DPP10: variants seen among roughly 807,000 people sequenced by gnomAD.
The protein encoded by DPP10 is dipeptidyl peptidase like 10, also known as inactive dipeptidyl peptidase 10.
In DPP10, 33 loss-of-function variants were observed where a neutral mutation model predicts 120.9. The ratio of observed to expected loss-of-function variants is 0.27; its 90% CI spans 0.21 to 0.37. DPP10 has a LOEUF of 0.37. DPP10 is among the 10% of genes least tolerant of loss of function. The probability of loss-of-function intolerance (pLI) is 1.00; values close to 1 mark genes in which losing one functional copy is unlikely to be tolerated. For synonymous variants in DPP10, 337 were observed against 326.1 expected (o/e 1.03, Z -0.36); for missense variants, 816 against 942.8 (o/e 0.87, Z 1.76).
intron 1 of DPP10, among the ~76,000 whole-genome samples, chr2:114,621,720 C>CTAAA (rs1450763822): frequency 2.0e-5 from 3 of 151,968 alleles, no homozygotes; most frequent in Admixed American, 6.6e-5. Flanking sequence ...CTCCTCCTCT[C>CTAAA]TAAATAAATA....
chr2:114,763,962 A>G (rs72959542), intron 1 of DPP10, among the ~76,000 whole-genome samples: 1 of 152,136 alleles, frequency 6.6e-6, no homozygotes, highest in Non-Finnish European at 1.5e-5. Flanking sequence ...TCTTTCCTTT[A>G]TATTATCTCC....
At position 115,835,234 on chromosome 2, in the gene DPP10, G is replaced by T. The variant is rs1179946774; in HGVS notation, c.1951-923G>T. Among the ~76,000 whole-genome samples the T allele has an allele frequency of 1.3e-5, 2 of 152,052 alleles. 1 individual carries two copies. Among genetic ancestry groups the T allele is most frequent in the Non-Finnish European group, 2.9e-5 (2 of 67,996 alleles). On this transcript the variant is annotated intron_variant, in intron 21 of 25. Transcript: ENST00000410059. The stretch of plus-strand genomic sequence containing the variant: ...CAAGAAAAATGGGCAGATCTCTAGA[G>T]TAGATCTCAAAGAATTGTCTTATAC...
intron 1 of DPP10, among the ~76,000 whole-genome samples, chr2:115,034,216 G>A (rs1021048837): frequency 6.6e-6 from 1 of 151,946 alleles, no homozygotes. Context: ...TTTCTCTAAA[G>A]TCTCTTCTTC....
intron 1 of DPP10, among the ~76,000 whole-genome samples, chr2:115,152,914 G>C (rs191131797): frequency 9.5e-4 from 144 of 152,282 alleles, no homozygotes; most frequent in Non-Finnish European, 1.7e-3. Context: ...CAAAGACTTT[G>C]ATTACTCATA....
rs542317062 is a variant in DPP10, at chr2:115,254,461, C to T, written c.61-54778C>T. On this transcript the variant is annotated intron_variant, in intron 1 of 25. Coordinates refer to ENST00000410059, the MANE Select transcript of DPP10 (RefSeq NM_020868.6). The stretch of plus-strand genomic sequence containing the variant: ...GGGATATAGCCAAACCATATTATTC[C>T]ACCCCTGGACCCTCCCAAATCTCAT... Among the ~76,000 whole-genome samples, 222 of 152,222 alleles carry T rather than the reference C, an allele frequency of 1.5e-3. 1 individual carries two copies. Among genetic ancestry groups the T allele is most frequent in the African/African-American group, 5.2e-3 (214 of 41,542 alleles).
At chr2:115,715,134 G>A (rs2092448988) in intron 7 of DPP10, among the ~76,000 whole-genome samples, 1 of 151,616 alleles carries the variant, frequency 6.6e-6, no homozygotes, top group Admixed American at 6.6e-5. Context: ...GAGGTCAGGA[G>A]TTCAAGACCA....
chr2:114,770,830 C>A (rs780661067), intron 1 of DPP10, among the ~76,000 whole-genome samples: 1 of 152,156 alleles, frequency 6.6e-6, no homozygotes, highest in Non-Finnish European at 1.5e-5. Context: ...AAGGAATAAT[C>A]AGGATTCCAG....
intron 1 of DPP10, among the ~76,000 whole-genome samples, chr2:115,179,364 G>A (rs1051144618): frequency 1.3e-5 from 2 of 151,988 alleles, no homozygotes; most frequent in African/African-American, 4.8e-5. Context: ...TTAAAATGTT[G>A]TTTCTGTATT....
chr2:115,687,485 G>A (rs5001734), intron 5 of DPP10, among the ~76,000 whole-genome samples: 14 of 147,018 alleles, frequency 9.5e-5, no homozygotes, highest in Admixed American at 3.4e-4. Flanking sequence ...ATGGATGGAT[G>A]GATAGATAGA....
intron 5 of DPP10, among the ~76,000 whole-genome samples, chr2:115,607,199 G>A (rs767553344): frequency 6.6e-6 from 1 of 152,140 alleles, no homozygotes; most frequent in African/African-American, 2.4e-5. Context: ...GTCAAAGAAG[G>A]TGTGCTTATC....
At chr2:114,787,931 G>A (rs1370788765) in intron 1 of DPP10, among the ~76,000 whole-genome samples, 1 of 151,980 alleles carries the variant, frequency 6.6e-6, no homozygotes, top group Admixed American at 6.6e-5. Context: ...TCACATTTTT[G>A]CTTTTAATAG....
intron 1 of DPP10, among the ~76,000 whole-genome samples, chr2:114,761,811 A>G (rs1680306343): frequency 6.6e-6 from 1 of 152,120 alleles, no homozygotes; most frequent in Non-Finnish European, 1.5e-5. Context: ...CCATTTGACA[A>G]TCCTCCTCCT....
At chr2:115,272,973 T>TA (rs1455100082) in intron 1 of DPP10, among the ~76,000 whole-genome samples, 1 of 152,234 alleles carries the variant, frequency 6.6e-6, no homozygotes, top group Non-Finnish European at 1.5e-5. Flanking sequence ...AACATGCTAT[T>TA]ATTGCTTAGG....
intron 1 of DPP10, among the ~76,000 whole-genome samples, chr2:114,841,385 A>G (rs936358631): frequency 2.6e-5 from 4 of 152,158 alleles, no homozygotes; most frequent in African/African-American, 4.8e-5. Context: ...AAATCTCAGC[A>G]GTGCACTTTT....
intron 7 of DPP10, among the ~76,000 whole-genome samples, chr2:115,697,611 T>C (rs1460544644): frequency 6.6e-6 from 1 of 151,764 alleles, no homozygotes; most frequent in African/African-American, 2.4e-5. Context: ...TCTACCATAA[T>C]TGTTGGTGAT....
chr2:114,778,735 A>G (rs1009261259), intron 1 of DPP10, among the ~76,000 whole-genome samples: 2 of 152,200 alleles, frequency 1.3e-5, no homozygotes, highest in East Asian at 3.9e-4. Flanking sequence ...AATCGGTCGC[A>G]TGACTGCACC....
intron 3 of DPP10, among the ~76,000 whole-genome samples, chr2:115,366,355 CT>C (rs1452911864): frequency 2.6e-5 from 4 of 152,046 alleles, no homozygotes; most frequent in African/African-American, 9.7e-5. Flanking sequence ...ACCACTGCTG[CT>C]ATTGAAATTT....
intron 1 of DPP10, among the ~76,000 whole-genome samples, chr2:115,026,887 A>G (rs1031608676): frequency 1.3e-5 from 2 of 152,182 alleles, no homozygotes; most frequent in Non-Finnish European, 2.9e-5. Flanking sequence ...TAGAGATTAC[A>G]TTAAATCTGT....
intron 1 of DPP10, among the ~76,000 whole-genome samples, chr2:114,684,939 T>C (rs902247788): frequency 1.3e-5 from 2 of 151,952 alleles, no homozygotes; most frequent in Non-Finnish European, 2.9e-5. Context: ...CTGATTGTGA[T>C]TGAATTTTTA....
Sources: gnomAD v4.1 joint callset for allele counts (sites outside exome capture counted in the v4.1 genomes callset) on GRCh38, gnomAD v4.1.1 for gene constraint, MANE v1.5 for transcripts, NCBI Gene and HGNC (gene_info 2026-07-23, HGNC 2026-07-21) for gene names.